Variants in ITGA9 observed in about 807,000 individuals in gnomAD.
ITGA9 encodes integrin subunit alpha 9, also known as integrin alpha-9.
ITGA9 carries 56 observed loss-of-function variants against 127.8 expected under a neutral mutation model. The ratio of observed to expected loss-of-function variants is 0.44; its 90% confidence interval spans 0.35 to 0.55. ITGA9 has a LOEUF of 0.55. Ranked by LOEUF, ITGA9 falls within the 20% of genes least tolerant of loss-of-function variation. The probability of loss-of-function intolerance (pLI) is 0.00; values close to 1 mark genes in which losing one functional copy is unlikely to be tolerated. For synonymous variants in ITGA9, 508 were observed against 514.5 expected (o/e 0.99, Z 0.17); for missense variants, 1,196 against 1,347.1 (o/e 0.89, Z 1.76).
Position 37,823,341 on chromosome 3 carries a change from A to C in ITGA9, c.*4352A>C, listed in dbSNP as rs1697535681. The stretch of plus-strand genomic sequence containing the variant: ...TTTCCAGAACTTTACTGATGCATCC[A>C]TGTACATTTCCACTGAGGAATTTTG... On this transcript the variant is annotated 3_prime_UTR_variant, in exon 28 of 28. Transcript: ENST00000264741. The C allele has an allele frequency of 6.6e-6, 1 of 152,210 alleles. No individual in the cohort carries two copies. 9.4% of individuals were successfully genotyped at this position (152,210 alleles called of 1,614,324 possible).
chr3:37,525,912 C>T, intron 12 of ITGA9, 114 bp from the exon 13 acceptor site: 1 of 838,430 alleles, frequency 1.2e-6, no homozygotes, highest in East Asian at 2.4e-5. Flanking sequence ...CAGTGGTCGT[C>T]TGAGGGCTCT....
intron 1 of ITGA9, among the ~76,000 whole-genome samples, chr3:37,460,141 C>G (rs948177213): frequency 1.3e-5 from 2 of 152,142 alleles, no homozygotes; most frequent in Non-Finnish European, 2.9e-5. Context: ...TGGCTCCCAC[C>G]ACTTATTTAG....
intron 23 of ITGA9, among the ~76,000 whole-genome samples, chr3:37,772,660 C>T (rs73825418): frequency 0.035 from 5,290 of 152,214 alleles, 235 homozygotes; most frequent in South Asian, 0.13. Flanking sequence ...GGTGTGACTG[C>T]AATAGGATTA....
At chr3:37,693,657 G>T (rs1170633129) in intron 18 of ITGA9, among the ~76,000 whole-genome samples, 1 of 152,204 alleles carries the variant, frequency 6.6e-6, no homozygotes, top group East Asian at 1.9e-4. Flanking sequence ...TTGAGGGAGT[G>T]CTTTGGCCTG....
chr3:37,452,662 C>A lies in ITGA9; in HGVS notation c.185+103C>A. The A allele has an allele frequency of 9.5e-7, 1 of 1,051,030 alleles. No homozygotes were observed. Among genetic ancestry groups the A allele is most frequent in the Non-Finnish European group, 1.3e-6 (1 of 781,400 alleles). 65.1% of individuals were successfully genotyped at this position (1,051,030 alleles called of 1,614,324 possible). A position where few individuals can be genotyped will look rare whatever the true frequency, so the allele number is the denominator to read the frequency against. On this transcript the variant is annotated intron_variant, in intron 1 of 27. Coordinates refer to ENST00000264741, the MANE Select transcript of ITGA9 (RefSeq NM_002207.3). This position sits in a 1 kb window ranked among gnomAD's most constrained non-coding sequence, Gnocchi z 7.3. ...TTCCGGTCTCTTCCACGCCGCCGTCCCGAGGGGGCGATTTAAATGTCTCCG... is the reference window on the plus strand; with the variant it reads ...TTCCGGTCTCTTCCACGCCGCCGTCACGAGGGGGCGATTTAAATGTCTCCG...
At chr3:37,600,454 C>CT (rs1699911977) in intron 15 of ITGA9, among the ~76,000 whole-genome samples, 1 of 152,134 alleles carries the variant, frequency 6.6e-6, no homozygotes, top group Non-Finnish European at 1.5e-5. Flanking sequence ...CTTCCCTAGC[C>CT]CCACACATAC....
At chr3:37,617,358 G>T (rs1162635151) in intron 15 of ITGA9, among the ~76,000 whole-genome samples, 1 of 152,182 alleles carries the variant, frequency 6.6e-6, no homozygotes, top group African/African-American at 2.4e-5. Flanking sequence ...GCTTCCCTTT[G>T]TGGGTAACCC....
chr3:37,701,604 T>G (rs1223056182), intron 18 of ITGA9, among the ~76,000 whole-genome samples: 1 of 152,186 alleles, frequency 6.6e-6, no homozygotes, highest in African/African-American at 2.4e-5. Context: ...ATCTTGACAC[T>G]TCTGGCCTGT....
intron 16 of ITGA9, among the ~76,000 whole-genome samples, chr3:37,633,902 A>G (rs1700252121): frequency 6.6e-6 from 1 of 152,240 alleles, no homozygotes; most frequent in African/African-American, 2.4e-5. Flanking sequence ...TATGGTTTCT[A>G]CTGAATGCAT....
chr3:37,495,298 A>T (rs556980101), intron 5 of ITGA9, among the ~76,000 whole-genome samples: 1 of 152,298 alleles, frequency 6.6e-6, no homozygotes, highest in South Asian at 2.1e-4. Context: ...CTTTTCCCAG[A>T]TTCAGAAGGA....
intron 13 of ITGA9, among the ~76,000 whole-genome samples, chr3:37,531,733 T>A (rs1417084927): frequency 2.6e-5 from 4 of 152,158 alleles, no homozygotes; most frequent in African/African-American, 9.7e-5. Context: ...TGGAGTAAAA[T>A]TTGTACTTAT....
At chr3:37,745,200 C>T (rs1037875330) in intron 22 of ITGA9, among the ~76,000 whole-genome samples, 4 of 152,308 alleles carry the variant, frequency 2.6e-5, no homozygotes, top group African/African-American at 9.6e-5. Context: ...CATTTGTGGG[C>T]TCTGACAAAC....
intron 21 of ITGA9, 22 bp from the exon 22 acceptor site, chr3:37,743,904 A>G (rs1696467992): frequency 1.3e-6 from 2 of 1,550,314 alleles, no homozygotes; most frequent in Non-Finnish European, 1.8e-6. Flanking sequence ...GGGATGACAG[A>G]TTTCATGCTT....
At chr3:37,590,065 C>T (rs962507422) in intron 15 of ITGA9, among the ~76,000 whole-genome samples, 2 of 152,176 alleles carry the variant, frequency 1.3e-5, no homozygotes, top group African/African-American at 4.8e-5. Flanking sequence ...CCTCAAGTCC[C>T]AGCTGCATTA....
chr3:37,494,627 T>G (rs1177066658), intron 5 of ITGA9, 59 bp downstream of exon 5: 2 of 1,471,342 alleles, frequency 1.4e-6, no homozygotes, highest in Non-Finnish European at 1.9e-6. Context: ...TCCTTGCTTA[T>G]ATGATTTTGG....
chr3:37,628,238 A>G (rs1700195914), intron 15 of ITGA9, among the ~76,000 whole-genome samples: 1 of 152,000 alleles, frequency 6.6e-6, no homozygotes, highest in Admixed American at 6.5e-5. Flanking sequence ...GCCCTGCTCC[A>G]CTTGGAAGTC....
chr3:37,739,866 C>T (rs2212036), intron 20 of ITGA9, among the ~76,000 whole-genome samples: 2,076 of 152,248 alleles, frequency 0.014, 23 homozygotes, highest in Non-Finnish European at 0.021. Flanking sequence ...ACAGGGGAGT[C>T]GCCTTTGGCC....
chr3:37,732,973 A>C, intron 19 of ITGA9, 175 bp downstream of exon 19: 1 of 665,326 alleles, frequency 1.5e-6, no homozygotes, highest in Non-Finnish European at 2.8e-6. Context: ...ACACCGGGGT[A>C]TACTCCGGAG....
intron 15 of ITGA9, among the ~76,000 whole-genome samples, chr3:37,606,970 CTTT>C (rs11306321): frequency 0.022 from 2,264 of 103,734 alleles, 63 homozygotes; most frequent in African/African-American, 0.076. Context: ...CTCATGGCTC[CTTT>C]TTTTTTTTTT....
Sources: allele counts gnomAD v4.1 joint callset (sites outside exome capture counted in the v4.1 genomes callset), GRCh38; gene constraint gnomAD v4.1.1; non-coding constraint Gnocchi (gnomAD v3.1); transcripts MANE v1.5; gene names NCBI Gene and HGNC (gene_info 2026-07-23, HGNC 2026-07-21).